Variants in RGL1 observed in about 807,000 individuals in gnomAD.
RGL1 encodes the protein ral guanine nucleotide dissociation stimulator-like 1.
In RGL1, 24 loss-of-function variants were observed where a neutral mutation model predicts 95.2. The observed-to-expected ratio is 0.25, with a 90% CI of 0.18 to 0.35. The LOEUF (loss-of-function observed/expected upper bound fraction) is 0.35, where lower values mean the gene tolerates loss of function less well. RGL1 is among the 10% of genes least tolerant of loss of function. RGL1 has a pLI of 1.00. For synonymous variants in RGL1, 329 were observed against 344.9 expected (o/e 0.95, Z 0.51); for missense variants, 715 against 936.3 (o/e 0.76, Z 3.08).
At chr1:183,707,427 T>G (rs1045776111) in intron 1 of RGL1, among the ~76,000 whole-genome samples, 2 of 152,012 alleles carry the variant, frequency 1.3e-5, no homozygotes, top group Non-Finnish European at 2.9e-5. Context: ...TCTAACAATA[T>G]CTTTAGTTCC....
At chr1:183,819,903 G>C (rs1182320818) in intron 2 of RGL1, among the ~76,000 whole-genome samples, 2 of 151,648 alleles carry the variant, frequency 1.3e-5, no homozygotes, top group Non-Finnish European at 2.9e-5. Flanking sequence ...TCCTGCCTCA[G>C]CCTCCCGAGG....
intron 2 of RGL1, among the ~76,000 whole-genome samples, chr1:183,773,340 C>A (rs1340159810): frequency 6.6e-6 from 1 of 152,154 alleles, no homozygotes; most frequent in Non-Finnish European, 1.5e-5. Context: ...CAAGGAACTG[C>A]ACCTATCCTG....
At chr1:183,807,402 A>AGATTTAT (rs1399463170) in intron 2 of RGL1, among the ~76,000 whole-genome samples, 2 of 152,222 alleles carry the variant, frequency 1.3e-5, no homozygotes, top group Non-Finnish European at 2.9e-5. Context: ...AGAGTGTTGA[A>AGATTTAT]GATTTATGCA....
intron 9 of RGL1, among the ~76,000 whole-genome samples, chr1:183,895,540 G>A (rs903685837): frequency 2.0e-5 from 3 of 152,090 alleles, no homozygotes; most frequent in Non-Finnish European, 4.4e-5. Flanking sequence ...AAAGACATGA[G>A]TACAGCAGAA....
intron 17 of RGL1, among the ~76,000 whole-genome samples, chr1:183,925,482 G>A (rs546012094): frequency 1.3e-5 from 2 of 152,160 alleles, no homozygotes; most frequent in South Asian, 4.2e-4. Context: ...AGAACTTAAA[G>A]TAAAATACTA....
At chr1:183,866,188 A>T (rs1390278272) in intron 4 of RGL1, 115 bp downstream of exon 4, 1 of 770,676 alleles carries the variant, frequency 1.3e-6, no homozygotes, top group Non-Finnish European at 2.1e-6. Context: ...TCCATAGTGC[A>T]TACAGAGGCT....
intron 1 of RGL1, among the ~76,000 whole-genome samples, chr1:183,729,108 G>T (rs186612381): frequency 3.3e-5 from 5 of 152,074 alleles, no homozygotes; most frequent in Admixed American, 3.3e-4. Context: ...TTTATAAATT[G>T]GGCTACATCA....
intron 3 of RGL1, among the ~76,000 whole-genome samples, chr1:183,854,819 C>T (rs1665034430): frequency 6.6e-6 from 1 of 151,942 alleles, no homozygotes; most frequent in African/African-American, 2.4e-5. Flanking sequence ...TTTTCCTCAT[C>T]TATAAAATAA....
intron 1 of RGL1, among the ~76,000 whole-genome samples, chr1:183,736,538 C>T (rs1387230193): frequency 6.6e-6 from 1 of 152,094 alleles, no homozygotes; most frequent in Non-Finnish European, 1.5e-5. Flanking sequence ...TTGAGTAAAA[C>T]TAAAATGCAA....
intron 2 of RGL1, among the ~76,000 whole-genome samples, chr1:183,794,746 A>G (rs542152612): frequency 2.0e-5 from 3 of 152,244 alleles, no homozygotes; most frequent in Admixed American, 6.5e-5. Context: ...TTCCTCCCCA[A>G]ACATATTTCT....
chr1:183,725,608 C>T (rs1420622231), intron 1 of RGL1, among the ~76,000 whole-genome samples: 1 of 152,106 alleles, frequency 6.6e-6, no homozygotes. Context: ...ATGATGGAGT[C>T]AATGAATCAA....
chr1:183,687,761 G>T (rs1042917606), intron 1 of RGL1, among the ~76,000 whole-genome samples: 1 of 152,114 alleles, frequency 6.6e-6, no homozygotes, highest in African/African-American at 2.4e-5. Flanking sequence ...TTCCACTAAG[G>T]CTAACTTTGA....
upstream of RGL1, among the ~76,000 whole-genome samples, chr1:183,800,747 T>C (rs1660944009): frequency 1.3e-5 from 2 of 152,360 alleles, no homozygotes; most frequent in Non-Finnish European, 2.9e-5. Flanking sequence ...AGTGGGATCA[T>C]GTAGTATTTG....
intron 2 of RGL1, among the ~76,000 whole-genome samples, chr1:183,799,184 G>A (rs1660857577): frequency 1.3e-5 from 2 of 151,848 alleles, no homozygotes; most frequent in African/African-American, 4.8e-5. Context: ...TTACAGGCAT[G>A]AGCCACCATG....
intron 2 of RGL1, among the ~76,000 whole-genome samples, chr1:183,838,765 C>T (rs1442152041): frequency 6.6e-6 from 1 of 152,206 alleles, no homozygotes. Flanking sequence ...AGAGGGACTT[C>T]TGGGCAGGGG....
rs1259959910 is a variant in RGL1, at chr1:183,738,782, T to C, written c.-32-3344T>C. On this transcript the variant is annotated intron_variant, in intron 1 of 18. Transcript: ENST00000304685. ...TGGGCGTGGTGGCAGGCATCTGTAA[T>C]CCCAGTTACTCGGGAAGCTGAGGCA... Among the ~76,000 whole-genome samples the C allele has an allele frequency of 4.6e-5, 7 of 151,978 alleles. No homozygotes were observed. The East Asian group carries it at 1.2e-3, about 25-fold the overall frequency.
At chr1:183,883,184 C>A (rs148037031) in intron 5 of RGL1, among the ~76,000 whole-genome samples, 1 of 152,224 alleles carries the variant, frequency 6.6e-6, no homozygotes, top group East Asian at 1.9e-4. Context: ...ATGTAATTTG[C>A]TAATTGATGA....
chr1:183,786,921 GT>G (rs1660207503), intron 2 of RGL1, among the ~76,000 whole-genome samples: 1 of 152,164 alleles, frequency 6.6e-6, no homozygotes, highest in African/African-American at 2.4e-5. Context: ...AAATTGAAAA[GT>G]GACAGAAAAC....
chr1:183,897,355 G>A (rs1053269373), intron 9 of RGL1, among the ~76,000 whole-genome samples: 4 of 152,110 alleles, frequency 2.6e-5, no homozygotes, highest in East Asian at 1.9e-4. Context: ...CCAACATGGC[G>A]AAACCCCATC....
Sources: gnomAD v4.1 joint callset for allele counts (sites outside exome capture counted in the v4.1 genomes callset) on GRCh38, gnomAD v4.1.1 for gene constraint, MANE v1.5 for transcripts, NCBI Gene and HGNC (gene_info 2026-07-23, HGNC 2026-07-21) for gene names.